Variants in BMPR2 observed in about 807,000 individuals in gnomAD.
BMPR2 encodes bone morphogenetic protein receptor type-2.
In BMPR2, 29 loss-of-function variants were observed where a neutral mutation model predicts 100.8. The observed-to-expected ratio is 0.29, with a 90% CI of 0.21 to 0.39. BMPR2 has a LOEUF of 0.39. Ranked by LOEUF, BMPR2 falls within the 10% of genes least tolerant of loss-of-function variation. The pLI is 1.00. For missense variants in BMPR2, 1,011 were observed against 1,274.5 expected (o/e 0.79, Z 3.15); for synonymous variants, 382 against 442.3 (o/e 0.86, Z 1.71).
intron 1 of BMPR2, among the ~76,000 whole-genome samples, chr2:202,401,260 C>T (rs1192978055): frequency 6.6e-6 from 1 of 152,104 alleles, no homozygotes; most frequent in East Asian, 1.9e-4. Context: ...AATTAGATGG[C>T]ATGTGGTGGC....
intron 3 of BMPR2, among the ~76,000 whole-genome samples, chr2:202,496,931 A>G (rs902146702): frequency 3.9e-5 from 6 of 152,228 alleles, no homozygotes; most frequent in Non-Finnish European, 1.5e-5. Flanking sequence ...AGCAGGAACC[A>G]GGGCTGCGTG....
In BMPR2 at chr2:202,376,840, G is replaced by A. The variant is rs970421779; in HGVS notation, c.-635G>A. 5 of 404,112 alleles carry A rather than the reference G, an allele frequency of 1.2e-5. No individual in the cohort carries two copies. Among genetic ancestry groups the A allele is most frequent in the Non-Finnish European group, 1.7e-5 (4 of 230,684 alleles). 25.0% of individuals were successfully genotyped at this position (404,112 alleles called of 1,614,324 possible). ...TCCCCAACCCTCTCACGGTTGTTCT[G>A]CGAAGGCGTGGGGACTGTGAGCTTG... On this transcript the variant is annotated 5_prime_UTR_variant, in exon 1 of 13. Transcript: ENST00000374580.
intron 1 of BMPR2, among the ~76,000 whole-genome samples, chr2:202,427,163 A>G (rs1365603995): frequency 6.6e-6 from 1 of 152,038 alleles, no homozygotes; most frequent in Admixed American, 6.6e-5. Flanking sequence ...CAAACCTGCC[A>G]ACATAGTGAG....
intron 10 of BMPR2, among the ~76,000 whole-genome samples, chr2:202,550,456 A>C (rs1282371288): frequency 6.6e-6 from 1 of 151,826 alleles, no homozygotes; most frequent in Non-Finnish European, 1.5e-5. Flanking sequence ...GGCCTCAAAC[A>C]GTCCTCCCAC....
intron 3 of BMPR2, among the ~76,000 whole-genome samples, chr2:202,496,024 T>C (rs1355347938): frequency 2.0e-5 from 3 of 152,186 alleles, no homozygotes; most frequent in Admixed American, 6.5e-5. Context: ...AAGACAGCGT[T>C]AAAAACGTGC....
intron 9 of BMPR2, among the ~76,000 whole-genome samples, chr2:202,541,272 C>G (rs1350629107): frequency 6.6e-6 from 1 of 151,932 alleles, no homozygotes; most frequent in African/African-American, 2.4e-5. Flanking sequence ...AAGACCTTAT[C>G]TCTACAAAAA....
At chr2:202,399,608 C>G (rs1014967610) in intron 1 of BMPR2, among the ~76,000 whole-genome samples, 3 of 152,128 alleles carry the variant, frequency 2.0e-5, no homozygotes, top group Non-Finnish European at 4.4e-5. Flanking sequence ...TTTTCAAAGA[C>G]CACTCTGGTT....
chr2:202,556,024 G>A lies in BMPR2; in HGVS notation c.2359G>A (p.Gly787Arg). 1 of 1,614,160 alleles carries A rather than the reference G, an allele frequency of 6.2e-7. No homozygotes were observed. Among genetic ancestry groups the A allele is most frequent in the Non-Finnish European group, 8.5e-7 (1 of 1,180,018 alleles). The change falls in exon 12 of 13, where the codon GGA becomes AGA. Residue 787 changes from glycine to arginine, a missense_variant. Around this residue, in one of 6 missense-constraint regions of BMPR2, gnomAD observed 508 missense variants for 552.0 expected, o/e 0.92. Coordinates refer to ENST00000374580, the MANE Select transcript of BMPR2 (RefSeq NM_001204.7). ...HKSNLKQVET[G>R]VAKMNTINAA... Reference sequence around the variant, plus strand: ...ATCAAACTTGAAACAAGTCGAAACTGGAGTTGCCAAGATGAATACAATCAA... The same window carrying A: ...ATCAAACTTGAAACAAGTCGAAACTAGAGTTGCCAAGATGAATACAATCAA...
At chr2:202,500,520 G>A (rs552309135) in intron 3 of BMPR2, among the ~76,000 whole-genome samples, 28 of 152,250 alleles carry the variant, frequency 1.8e-4, no homozygotes, top group East Asian at 7.7e-4. Context: ...AAAAATGCCC[G>A]CCCAGTCCAA....
chr2:202,556,370 C>T lies in BMPR2; in HGVS notation c.2705C>T (p.Ser902Phe), dbSNP rs752361038. ...CCACTAGAAGGTGGCCGAACTAATT[C>T]CAATAACAACAACAGCAATCCATGT... ...ERPLEGGRTN[S>F]NNNNSNPCSE... The change falls in exon 12 of 13, where the codon TCC becomes TTC. Residue 902 changes from serine to phenylalanine, a missense_variant. By Grantham distance (155) the Ser-to-Phe change is radical (BLOSUM62 -2). Around this residue, in one of 6 missense-constraint regions of BMPR2, gnomAD observed 508 missense variants for 552.0 expected, o/e 0.92. Transcript: ENST00000374580. 1 of 1,614,146 alleles carries T rather than the reference C, an allele frequency of 6.2e-7. No individual in the cohort carries two copies. The highest frequency in any genetic ancestry group is 1.1e-5 in the South Asian group (1 of 91,054).
chr2:202,527,702 G>T (rs930700698), intron 7 of BMPR2, among the ~76,000 whole-genome samples: 1 of 151,594 alleles, frequency 6.6e-6, no homozygotes, highest in Non-Finnish European at 1.5e-5. Context: ...CAGGAGAATG[G>T]CGTGAACCCG....
At position 202,560,203 on chromosome 2, in the gene BMPR2, G is replaced by A; in HGVS notation, c.*257G>A. Reference sequence around the variant, plus strand: ...TATATTTGTCTGTTATGACCACAGAGTTATATGTGTGTGTATCAAAAGTGG... The same window carrying A: ...TATATTTGTCTGTTATGACCACAGAATTATATGTGTGTGTATCAAAAGTGG... On this transcript the variant is annotated 3_prime_UTR_variant, in exon 13 of 13. Coordinates refer to ENST00000374580, the MANE Select transcript of BMPR2 (RefSeq NM_001204.7). The A allele has an allele frequency of 2.2e-6, 1 of 464,288 alleles. No homozygotes were observed. Among genetic ancestry groups the A allele is most frequent in the South Asian group, 2.4e-5 (1 of 41,310 alleles). 28.8% of individuals were successfully genotyped at this position (464,288 alleles called of 1,614,324 possible). A position where few individuals can be genotyped will look rare whatever the true frequency, so the allele number is the denominator to read the frequency against.
intron 1 of BMPR2, among the ~76,000 whole-genome samples, chr2:202,427,156 A>G (rs1389534768): frequency 1.3e-5 from 2 of 151,922 alleles, no homozygotes; most frequent in African/African-American, 4.8e-5. Flanking sequence ...TTCGAGACAA[A>G]CCTGCCAACA....
At chr2:202,397,817 T>C (rs573043899) in intron 1 of BMPR2, among the ~76,000 whole-genome samples, 1 of 150,920 alleles carries the variant, frequency 6.6e-6, no homozygotes, top group East Asian at 2.0e-4. Flanking sequence ...CTTCCTTATA[T>C]TGTCATCTTT....
intron 1 of BMPR2, among the ~76,000 whole-genome samples, chr2:202,393,882 CGAGAGAGAGAGAGAGAGAGAGAGAGAGA>C (rs56708616): frequency 2.1e-4 from 21 of 97,868 alleles, no homozygotes; most frequent in South Asian, 1.1e-3. Flanking sequence ...AATGAGAGAG[CGAGAGAGAGAGAGAGAGAGAGAGAGAGA>C]GAGAGAGAGA....
rs536130755 is a variant in BMPR2, at chr2:202,503,762, G to A, written c.419-9957G>A. 1.3e-4 allele frequency among the ~76,000 whole-genome samples: 20 copies of A among 152,344 alleles called. No homozygotes were observed. The highest frequency in any genetic ancestry group is 1.9e-4 in the East Asian group (1 of 5,180). The stretch of plus-strand genomic sequence containing the variant: ...CAAGGGCTGAGGAGTGTGAGCGCAC[G>A]GTGTGGGACTGGCAGGCAGCTCCAC... On this transcript the variant is annotated intron_variant, in intron 3 of 12. Coordinates refer to ENST00000374580, the MANE Select transcript of BMPR2 (RefSeq NM_001204.7). The surrounding 1 kb of genome is among the most constrained non-coding windows in gnomAD (Gnocchi z 4.0).
chr2:202,532,427 T>C lies in BMPR2; in HGVS notation c.1129-158T>C, dbSNP rs1462632312. ...ACAGTTTACTTATTCAGGAAGGGCA[T>C]TTTATAGGTAAAAAATAAGTTATAG... On this transcript the variant is annotated intron_variant, in intron 8 of 12. Coordinates refer to ENST00000374580, the MANE Select transcript of BMPR2 (RefSeq NM_001204.7). This position sits in a 1 kb window ranked among gnomAD's most constrained non-coding sequence, Gnocchi z 4.1. Among the ~76,000 whole-genome samples the C allele has an allele frequency of 6.6e-6, 1 of 152,194 alleles. No individual in the cohort carries two copies. The highest frequency in any genetic ancestry group is 2.4e-5 in the African/African-American group (1 of 41,442).
At chr2:202,434,210 A>G (rs1691562255) in intron 1 of BMPR2, among the ~76,000 whole-genome samples, 1 of 150,574 alleles carries the variant, frequency 6.6e-6, no homozygotes, top group South Asian at 2.1e-4. Flanking sequence ...TGGGATCAAG[A>G]TCCTGAAGCA....
chr2:202,492,700 C>CAAAAAAAAAAAAAAA (rs1166246933), intron 3 of BMPR2, among the ~76,000 whole-genome samples: 2 of 52,810 alleles, frequency 3.8e-5, no homozygotes, highest in Non-Finnish European at 6.3e-5. Context: ...AGCTCTGTCT[C>CAAAAAAAAAAAAAAA]AAAAAAAAAA....
Sources: allele counts gnomAD v4.1 joint callset (sites outside exome capture counted in the v4.1 genomes callset), GRCh38; gene constraint gnomAD v4.1.1; regional missense constraint gnomAD v4.1.1; non-coding constraint Gnocchi (gnomAD v3.1); transcripts MANE v1.5; gene names NCBI Gene and HGNC (gene_info 2026-07-23, HGNC 2026-07-21).